The following EDC3 variants were observed in gnomAD, a reference collection of about 807,000 sequenced individuals.
EDC3 encodes enhancer of mRNA decapping 3.
A neutral mutation model predicts 41.8 loss-of-function variants in EDC3; 20 were observed. That is an observed-to-expected ratio of 0.48 (90% CI 0.34 to 0.70). The LOEUF (loss-of-function observed/expected upper bound fraction) is 0.70. Ranked by LOEUF, EDC3 falls within the 30% of genes least tolerant of loss-of-function variation. The probability of loss-of-function intolerance (pLI) is 0.01; values close to 1 mark genes in which losing one functional copy is unlikely to be tolerated. For synonymous variants in EDC3, 206 were observed against 243.2 expected (o/e 0.85, Z 1.42); for missense variants, 444 against 636.8 (o/e 0.70, Z 3.26).
chr15:74,632,081 G>A lies in EDC3; in HGVS notation c.*531C>T, dbSNP rs188580417. ...CCCCCAAATCAACTTGTGGGGCTAG[G>A]GGAAGGCCTGGTCTGTCACAGCCCT... On this transcript the variant is annotated 3_prime_UTR_variant, in exon 7 of 7. Transcript: ENST00000315127. This position sits in a 1 kb window ranked among gnomAD's most constrained non-coding sequence, Gnocchi z 4.0. The A allele has an allele frequency of 1.1e-4, 17 of 160,998 alleles. No homozygotes were observed. In the East Asian group the frequency reaches 3.0e-3, roughly 29 times the overall value. The allele number at this position is 160,998 out of a possible 1,614,324, so 10.0% of individuals were successfully genotyped here.
Position 74,632,555 on chromosome 15 carries a change from G to A in EDC3, c.*57C>T. ...GGTCCATGAAGCTTCATATCCTTAAGGCGTTTGTTATCAGGAGCAGCAGGG... is the reference window on the plus strand; with the variant it reads ...GGTCCATGAAGCTTCATATCCTTAAAGCGTTTGTTATCAGGAGCAGCAGGG... On this transcript the variant is annotated 3_prime_UTR_variant, in exon 7 of 7. Coordinates refer to ENST00000315127, the MANE Select transcript of EDC3 (RefSeq NM_025083.5). This position sits in a 1 kb window ranked among gnomAD's most constrained non-coding sequence, Gnocchi z 4.0. 6.4e-7 allele frequency: 1 copy of A among 1,569,946 alleles called. No homozygotes were observed. The highest frequency in any genetic ancestry group is 8.7e-7 in the Non-Finnish European group (1 of 1,150,174).
Position 74,675,002 on chromosome 15 carries a change from G to A in EDC3, c.123C>T (p.Phe41=), listed in dbSNP as rs1299237142. The change falls in exon 2 of 7, where the codon TTC becomes TTT. Residue 41 remains phenylalanine, a synonymous_variant. Transcript: ENST00000315127. ...VSQTISLTRP[F]HNGVKCLVPE... The stretch of plus-strand genomic sequence containing the variant: ...GAACAAGACACTTCACTCCATTATG[G>A]AAAGGCCGGGTGAGAGAAATGGTCT... The A allele has an allele frequency of 8.1e-6, 13 of 1,614,046 alleles. No homozygotes were observed. The highest frequency in any genetic ancestry group is 1.1e-5 in the Non-Finnish European group (13 of 1,180,050).
chr15:74,664,817 A>G lies in EDC3; in HGVS notation c.484+6638T>C, dbSNP rs573423013. Among the ~76,000 whole-genome samples the G allele has an allele frequency of 4.9e-4, 74 of 152,318 alleles. 1 individual carries two copies. The highest frequency in any genetic ancestry group is 1.7e-3 in the African/African-American group (70 of 41,578). On this transcript the variant is annotated intron_variant, in intron 3 of 6. Transcript: ENST00000315127. ...ACTTCCTGCCTCAGGTGGTGGGATGACTGTTAAAATGAACAGACCGTTAAA... is the reference window on the plus strand; with the variant it reads ...ACTTCCTGCCTCAGGTGGTGGGATGGCTGTTAAAATGAACAGACCGTTAAA...
chr15:74,684,929 A>C, intron 1 of EDC3, among the ~76,000 whole-genome samples: 1 of 152,100 alleles, frequency 6.6e-6, no homozygotes. Context: ...CCCCAGCTCT[A>C]TGAATGGTTA....
intron 3 of EDC3, among the ~76,000 whole-genome samples, chr15:74,657,026 T>G (rs1275589548): frequency 6.6e-6 from 1 of 152,174 alleles, no homozygotes; most frequent in Non-Finnish European, 1.5e-5. Flanking sequence ...ATCACCCACA[T>G]TTACCATCCT....
chr15:74,634,665 C>G (rs186244750), intron 6 of EDC3, among the ~76,000 whole-genome samples: 1 of 152,132 alleles, frequency 6.6e-6, no homozygotes, highest in Non-Finnish European at 1.5e-5. Flanking sequence ...TCCCACCCCC[C>G]ATACATCCAG....
chr15:74,682,396 A>T (rs2062880394), intron 1 of EDC3, among the ~76,000 whole-genome samples: 1 of 152,040 alleles, frequency 6.6e-6, no homozygotes, highest in South Asian at 2.1e-4. Context: ...AGGCGGGTGG[A>T]TCACAACGTC....
intron 6 of EDC3, among the ~76,000 whole-genome samples, chr15:74,634,048 G>A (rs1365494198): frequency 6.6e-6 from 1 of 151,978 alleles, no homozygotes; most frequent in African/African-American, 2.4e-5. Context: ...CCCTTCTCTG[G>A]GCCATATTTG....
At chr15:74,694,141 A>G (rs185381834) in intron 1 of EDC3, among the ~76,000 whole-genome samples, 1 of 152,194 alleles carries the variant, frequency 6.6e-6, no homozygotes, top group Non-Finnish European at 1.5e-5. Context: ...CTGGATAAGA[A>G]AAGAAAAATG....
chr15:74,641,883 C>G (rs1165516132), intron 4 of EDC3: 1 of 152,680 alleles, frequency 6.5e-6, no homozygotes, highest in Non-Finnish European at 1.5e-5. Flanking sequence ...TGATGCAAAC[C>G]TAGTGCCATT....
chr15:74,690,519 G>C (rs895685887), intron 1 of EDC3, among the ~76,000 whole-genome samples: 4 of 152,150 alleles, frequency 2.6e-5, no homozygotes, highest in African/African-American at 9.7e-5. Context: ...ACAACCCTTG[G>C]CCTGCTAAAA....
intron 4 of EDC3, chr15:74,644,913 G>A (rs1193327513): frequency 6.6e-6 from 1 of 152,054 alleles, no homozygotes; most frequent in Non-Finnish European, 1.5e-5. Flanking sequence ...ATGGGACAAG[G>A]GGATACAATG....
At chr15:74,650,167 C>G (rs898197380) in intron 4 of EDC3, among the ~76,000 whole-genome samples, 12 of 152,174 alleles carry the variant, frequency 7.9e-5, no homozygotes, top group African/African-American at 2.7e-4. Context: ...TACCACAAGA[C>G]CAGTCTTCCT....
At chr15:74,677,312 C>T (rs1040419553) in intron 1 of EDC3, among the ~76,000 whole-genome samples, 2 of 151,158 alleles carry the variant, frequency 1.3e-5, no homozygotes, top group African/African-American at 2.4e-5. Context: ...CCACCCGCCT[C>T]ACCTCCCAAA....
intron 6 of EDC3, among the ~76,000 whole-genome samples, 170 bp from the exon 7 acceptor site, chr15:74,633,116 T>G (rs1165383374): frequency 6.6e-6 from 1 of 152,214 alleles, no homozygotes; most frequent in African/African-American, 2.4e-5. Context: ...CCCTAGGAGT[T>G]GCAAGCTGGC....
At chr15:74,658,867 G>C (rs1384960225) in intron 3 of EDC3, among the ~76,000 whole-genome samples, 2 of 152,080 alleles carry the variant, frequency 1.3e-5, no homozygotes, top group Non-Finnish European at 2.9e-5. Context: ...TTGAACCCAG[G>C]AGGCGGAGGT....
At chr15:74,678,517 C>T (rs77478665) in intron 1 of EDC3, among the ~76,000 whole-genome samples, 21 of 152,286 alleles carry the variant, frequency 1.4e-4, no homozygotes, top group Non-Finnish European at 2.4e-4. Context: ...TAAGTCTGAA[C>T]TAGACAGCTT....
rs765980886 is a variant in EDC3 at position 74,661,730 on chromosome 15, C to CAA, written c.485-5664_485-5663dup. 4.6e-4 allele frequency among the ~76,000 whole-genome samples: 50 copies of CAA among 109,498 alleles called. No homozygotes were observed. In the East Asian group the frequency reaches 0.01, roughly 22 times the overall value. The allele number at this position is 109,498 out of a possible 152,430, so 71.8% of individuals were successfully genotyped here. On this transcript the variant is annotated intron_variant, in intron 3 of 6. Coordinates refer to ENST00000315127, the MANE Select transcript of EDC3 (RefSeq NM_025083.5). The stretch of plus-strand genomic sequence containing the variant: ...TGGGCGACAGGGCGAGACTCTGTCT[C>CAA]AAAAAAAAAAAAAGAAAAAGAAAAA...
chr15:74,635,963 G>A (rs1243210926), intron 5 of EDC3: 2 of 297,870 alleles, frequency 6.7e-6, no homozygotes. Flanking sequence ...CTTCCCCAAC[G>A]TGTCTGCTTC....
Sources: allele counts gnomAD v4.1 joint callset (sites outside exome capture counted in the v4.1 genomes callset), GRCh38; gene constraint gnomAD v4.1.1; non-coding constraint Gnocchi (gnomAD v3.1); transcripts MANE v1.5; gene names NCBI Gene and HGNC (gene_info 2026-07-23, HGNC 2026-07-21).